IFT52: variants seen among roughly 807,000 people sequenced by gnomAD.
IFT52 encodes the protein intraflagellar transport protein 52 homolog.
In IFT52, 44 loss-of-function variants were observed where a neutral mutation model predicts 54.4. The observed-to-expected ratio is 0.81, with a 90% CI of 0.63 to 1.04. The LOEUF (loss-of-function observed/expected upper bound fraction) is 1.04. IFT52 is among the 50% of genes least tolerant of loss of function. IFT52 has a pLI of 0.00. For missense variants in IFT52, 452 were observed against 523.6 expected (o/e 0.86, Z 1.33); for synonymous variants, 181 against 185.3 (o/e 0.98, Z 0.19).
intron 7 of IFT52, among the ~76,000 whole-genome samples, chr20:43,615,084 C>T (rs1254792995): frequency 6.6e-6 from 1 of 151,548 alleles, no homozygotes; most frequent in Non-Finnish European, 1.5e-5. Context: ...GCTGGGATTA[C>T]AGGCATGAGC....
At chr20:43,607,702 A>G (rs1052125399) in intron 6 of IFT52, among the ~76,000 whole-genome samples, 35 of 138,878 alleles carry the variant, frequency 2.5e-4, no homozygotes, top group African/African-American at 9.6e-4. Context: ...ATCCCAGATG[A>G]TGGGCGGCCA....
At chr20:43,606,793 C>G (rs888265481) in intron 6 of IFT52, among the ~76,000 whole-genome samples, 31 of 152,114 alleles carry the variant, frequency 2.0e-4, no homozygotes, top group African/African-American at 5.6e-4. Context: ...TGACTCTTAA[C>G]GAGCATGCTG....
chr20:43,630,391 C>G (rs952334122), intron 10 of IFT52, among the ~76,000 whole-genome samples: 1 of 152,170 alleles, frequency 6.6e-6, no homozygotes, highest in Non-Finnish European at 1.5e-5. Context: ...GTGGATGTTT[C>G]AGAGACTTAG....
rs776258651 is a variant in IFT52 at position 43,603,897 on chromosome 20, GTAT to G, written c.337+16_337+18del. 4.9e-6 allele frequency: 7 copies of G among 1,416,352 alleles called. No individual in the cohort carries two copies. The highest frequency in any genetic ancestry group is 1.2e-5 in the South Asian group (1 of 83,684). 87.7% of individuals were successfully genotyped at this position (1,416,352 alleles called of 1,614,324 possible). On this transcript the variant is annotated intron_variant, in intron 4 of 13. Transcript: ENST00000373030. Reference sequence around the variant, plus strand: ...GAATCATGGTTAATAATGGTAATTAGTATTATTATTTTCAGTAGAGGCAGTACT... The same window carrying G: ...GAATCATGGTTAATAATGGTAATTAGTATTATTTTCAGTAGAGGCAGTACT...
intron 3 of IFT52, among the ~76,000 whole-genome samples, chr20:43,603,136 C>T (rs1396171907): frequency 6.6e-6 from 1 of 152,102 alleles, no homozygotes; most frequent in African/African-American, 2.4e-5. Flanking sequence ...TCAGGCTAGA[C>T]CAGCAAGATC....
intron 1 of IFT52, among the ~76,000 whole-genome samples, chr20:43,593,566 T>TTTG (rs758235371): frequency 6.6e-6 from 1 of 152,104 alleles, no homozygotes; most frequent in Non-Finnish European, 1.5e-5. Flanking sequence ...TGTAGCTGTT[T>TTTG]TTGTTGTTGT....
chr20:43,629,088 T>C (rs62225646), intron 10 of IFT52, among the ~76,000 whole-genome samples: 4,090 of 152,254 alleles, frequency 0.027, 69 homozygotes, highest in Non-Finnish European at 0.037. Flanking sequence ...ATTTAACTAT[T>C]GTGATTTTGT....
Position 43,594,429 on chromosome 20 carries a change from A to T in IFT52, c.-6-264A>T, listed in dbSNP as rs370839927. Among the ~76,000 whole-genome samples the T allele has an allele frequency of 9.2e-5, 14 of 152,318 alleles. No individual in the cohort carries two copies. In the East Asian group the frequency reaches 2.7e-3, roughly 29 times the overall value. The stretch of plus-strand genomic sequence containing the variant: ...AGCAGGGTGATGGCAGGGCAGAGCC[A>T]TAGGTGTAGGCTGTTGGGAGGATCT... On this transcript the variant is annotated intron_variant, in intron 1 of 13. Coordinates refer to ENST00000373030, the MANE Select transcript of IFT52 (RefSeq NM_016004.5).
In IFT52 at chr20:43,637,210, G is replaced by A. The variant is rs772210633; in HGVS notation, c.1077G>A (p.Thr359=). ...TGGAGCTATTTGATTTAGATGAAAC[G>A]TTCTCCTCTGAGAAGGCACGGCTGG... The part of the protein sequence containing the change: ...PPLELFDLDE[T]FSSEKARLAQ... The change falls in exon 12 of 14, where the codon ACG becomes ACA. Residue 359 remains threonine (T), a synonymous_variant. Coordinates refer to ENST00000373030, the MANE Select transcript of IFT52 (RefSeq NM_016004.5). 1.6e-5 allele frequency: 26 copies of A among 1,602,730 alleles called. No individual in the cohort carries two copies. The South Asian group carries it at 1.8e-4, about 11-fold the overall frequency.
At chr20:43,631,834 G>A (rs183451552) in intron 10 of IFT52, among the ~76,000 whole-genome samples, 8 of 151,984 alleles carry the variant, frequency 5.3e-5, no homozygotes, top group African/African-American at 7.2e-5. Context: ...AGATAACTGC[G>A]TGACTTCCCG....
chr20:43,605,460 CTGTTTGAACCCCGGAGGCGGAAGT>C (rs545081071), intron 6 of IFT52, among the ~76,000 whole-genome samples: 1 of 152,320 alleles, frequency 6.6e-6, no homozygotes, highest in Admixed American at 6.5e-5. Flanking sequence ...GACAGGAGAA[CTGTTTGAACCCCGGAGGCGGAAGT>C]TGCAGTGAGC....
rs576045258 is a variant in IFT52 at position 43,647,223 on chromosome 20, T to C, written c.*240T>C. The C allele has an allele frequency of 1.9e-6, 1 of 528,450 alleles. No individual in the cohort carries two copies. The allele number at this position is 528,450 out of a possible 1,614,324, so 32.7% of individuals were successfully genotyped here. On this transcript the variant is annotated 3_prime_UTR_variant, in exon 14 of 14. Coordinates refer to ENST00000373030, the MANE Select transcript of IFT52 (RefSeq NM_016004.5). The stretch of plus-strand genomic sequence containing the variant: ...GTTGCATCTGTCTTTTTATACCCTA[T>C]GAAACAGTCTTGATTTTTTTTTCTC...
Position 43,636,012 on chromosome 20 carries a change from C to T in IFT52, c.1010C>T (p.Ala337Val), listed in dbSNP as rs184017871. The change falls in exon 11 of 14, where the codon GCG becomes GTG. Residue 337 changes from alanine to valine, a missense_variant and splice_region_variant. By Grantham distance (64) the Ala-to-Val change is moderately conservative (BLOSUM62 0). Transcript: ENST00000373030. ...ACGCCGCTGCCAACCCTTCAGCCTG[C>T]GGTGAGTAGGTGTGCTTGGGAGATC... ...FETPLPTLQP[A>V]VFPPSFRELP... 2.5e-5 allele frequency: 41 copies of T among 1,613,988 alleles called. No individual in the cohort carries two copies. Among genetic ancestry groups the T allele is most frequent in the South Asian group, 5.5e-5 (5 of 91,072 alleles).
At chr20:43,641,950 C>T (rs1330513515) in intron 12 of IFT52, among the ~76,000 whole-genome samples, 8 of 152,090 alleles carry the variant, frequency 5.3e-5, no homozygotes, top group African/African-American at 1.4e-4. Flanking sequence ...TGCATCACCA[C>T]ATCTGGCTAA....
chr20:43,639,121 AGATATT>A (rs1181523846), intron 12 of IFT52, among the ~76,000 whole-genome samples: 1 of 152,032 alleles, frequency 6.6e-6, no homozygotes, highest in Non-Finnish European at 1.5e-5. Context: ...AAAAAGATAT[AGATATT>A]AATTATAGCA....
At chr20:43,632,260 C>CT (rs543473471) in intron 10 of IFT52, among the ~76,000 whole-genome samples, 1,898 of 145,356 alleles carry the variant, frequency 0.013, 17 homozygotes, top group South Asian at 0.034. Flanking sequence ...TTCCTGACAT[C>CT]TTTTTTTTTT....
At chr20:43,604,932 G>A in intron 5 of IFT52, 70 bp from the exon 6 acceptor site, 1 of 1,498,484 alleles carries the variant, frequency 6.7e-7, no homozygotes, top group South Asian at 1.2e-5. Flanking sequence ...CATACTTGCT[G>A]TACTAATGAA....
chr20:43,624,611 G>C (rs1160471901), intron 10 of IFT52, among the ~76,000 whole-genome samples: 1 of 152,198 alleles, frequency 6.6e-6, no homozygotes, highest in Admixed American at 6.5e-5. Context: ...AATTGGCCTT[G>C]AGACAGGACC....
At position 43,604,243 on chromosome 20, in the gene IFT52, G is replaced by A; in HGVS notation, c.398G>A (p.Ser133Asn). The A allele has an allele frequency of 6.2e-7, 1 of 1,610,086 alleles. No homozygotes were observed. The highest frequency in any genetic ancestry group is 8.5e-7 in the Non-Finnish European group (1 of 1,176,372). Residue 133 changes from serine to asparagine, a missense_variant, in exon 5 of 14, where the codon AGT (serine) becomes AAT (asparagine). Physicochemically the swap from Ser to Asn is conservative, Grantham distance 46. Coordinates refer to ENST00000373030, the MANE Select transcript of IFT52 (RefSeq NM_016004.5). ...YFHPKEALVS[S>N]GVLNREISRA... The stretch of plus-strand genomic sequence containing the variant: ...CATCCTAAAGAAGCTCTAGTTTCCA[G>A]TGGAGTCTTGAACAGGTAAGCATGT...
Sources: gnomAD v4.1 joint callset for allele counts (sites outside exome capture counted in the v4.1 genomes callset) on GRCh38, gnomAD v4.1.1 for gene constraint, MANE v1.5 for transcripts, NCBI Gene and HGNC (gene_info 2026-07-23, HGNC 2026-07-21) for gene names.